IGDCC3: variants seen among roughly 807,000 people sequenced by gnomAD.
IGDCC3 encodes the protein immunoglobulin superfamily DCC subclass member 3, also known as putative neuronal cell adhesion molecule.
In IGDCC3, 47 loss-of-function variants were observed where a neutral mutation model predicts 72.0. The observed-to-expected ratio is 0.65, with a 90% CI of 0.52 to 0.83. IGDCC3 has a LOEUF of 0.83. Ranked by LOEUF, IGDCC3 falls within the 40% of genes least tolerant of loss-of-function variation. IGDCC3 has a pLI of 0.00. For synonymous variants in IGDCC3, 477 were observed against 472.8 expected (o/e 1.01, Z -0.11); for missense variants, 1,038 against 1,091.3 (o/e 0.95, Z 0.69).
chr15:65,354,125 C>G (rs945899272), intron 2 of IGDCC3, among the ~76,000 whole-genome samples: 5 of 152,148 alleles, frequency 3.3e-5, no homozygotes, highest in African/African-American at 1.2e-4. Flanking sequence ...AGGCTGGTCT[C>G]GAACTCCTGA....
At position 65,334,797 on chromosome 15, in the gene IGDCC3, G is replaced by A; in HGVS notation, c.754C>T (p.His252Tyr). The A allele has an allele frequency of 1.9e-6, 3 of 1,612,460 alleles. No homozygotes were observed. Among genetic ancestry groups the A allele is most frequent in the Non-Finnish European group, 2.5e-6 (3 of 1,179,424 alleles). The part of the protein sequence containing the change: ...VGPENLTLTV[H>Y]QTAVLECVAT... Reference sequence around the variant, plus strand: ...ACACACTCAAGCACCGCGGTCTGGTGCACTGTCAGGGTGAGGTTCTCAGGC... The same window carrying A: ...ACACACTCAAGCACCGCGGTCTGGTACACTGTCAGGGTGAGGTTCTCAGGC... The change falls in exon 5 of 14, where the codon CAC (histidine) becomes TAC (tyrosine). Residue 252 changes from histidine to tyrosine, a missense_variant. Coordinates refer to ENST00000327987, the MANE Select transcript of IGDCC3 (RefSeq NM_004884.4).
At position 65,330,614 on chromosome 15, in the gene IGDCC3, C is replaced by T. The variant is rs148347436; in HGVS notation, c.1689G>A (p.Lys563=). The change falls in exon 10 of 14, where the codon AAG becomes AAA. Residue 563 remains lysine, a synonymous_variant. Transcript: ENST00000327987. The part of the protein sequence containing the change: ...GFKLFYRPAS[K]TSFTGPILLP... ...GCAGGATGGGGCCGGTGAAGGAGGT[C>T]TTGCTTGCTGGGCGGTAAAACAGCT... 17 of 1,613,840 alleles carry T rather than the reference C, an allele frequency of 1.1e-5. No homozygotes were observed. The African/African-American group carries it at 2.3e-4, about 22-fold the overall frequency.
Position 65,377,691 on chromosome 15 carries a change from C to A in IGDCC3, c.98G>T (p.Ser33Ile). 2 of 1,429,254 alleles carry A rather than the reference C, an allele frequency of 1.4e-6. No homozygotes were observed. The highest frequency in any genetic ancestry group is 2.6e-5 in the Admixed American group (1 of 38,260). 88.5% of individuals were successfully genotyped at this position (1,429,254 alleles called of 1,614,324 possible). A position where few individuals can be genotyped will look rare whatever the true frequency, so the allele number is the denominator to read the frequency against. The stretch of plus-strand genomic sequence containing the variant: ...TCCGGGGCGCTTTCACTCACCCTCG[C>A]TCGGCGCGGGCAGCAGCAGCAACAG... ...PLLLLLLPAP[S>I]EGLGHSAELA... The change falls in exon 1 of 14, where the codon AGC (serine) becomes ATC (isoleucine). Residue 33 changes from serine to isoleucine, a missense_variant. Transcript: ENST00000327987. This position sits in a 1 kb window ranked among gnomAD's most constrained non-coding sequence, Gnocchi z 4.9.
In IGDCC3 at chr15:65,361,892, CT is replaced by C. The variant is rs549376558; in HGVS notation, c.409+13204del. On this transcript the variant is annotated intron_variant, in intron 2 of 13. Coordinates refer to ENST00000327987, the MANE Select transcript of IGDCC3 (RefSeq NM_004884.4). ...GGGCTGCTTCCGCGGCCGCCGCACT[CT>C]GCCCATCGCGCCCCGCCCAGGGCAG... 8.5e-5 allele frequency among the ~76,000 whole-genome samples: 13 copies of C among 152,304 alleles called. No homozygotes were observed. The South Asian group carries it at 2.7e-3, about 32-fold the overall frequency.
At chr15:65,355,716 T>G in intron 2 of IGDCC3, 1 of 433,406 alleles carries the variant, frequency 2.3e-6, no homozygotes, top group Non-Finnish European at 4.5e-6. Context: ...GCTGGCTAAT[T>G]ACCTCGCTCG....
intron 6 of IGDCC3, among the ~76,000 whole-genome samples, chr15:65,332,952 C>T (rs922602165): frequency 2.0e-5 from 3 of 152,244 alleles, no homozygotes; most frequent in Non-Finnish European, 2.9e-5. Context: ...GTGTGAGCGA[C>T]ACAGGTGGGG....
At chr15:65,361,840 G>T (rs996402454) in intron 2 of IGDCC3, among the ~76,000 whole-genome samples, 2 of 152,196 alleles carry the variant, frequency 1.3e-5, no homozygotes, top group Admixed American at 1.3e-4. Flanking sequence ...CCTCGAGGAC[G>T]AGGCATCATT....
At chr15:65,362,614 C>T (rs2140165427) in intron 2 of IGDCC3, among the ~76,000 whole-genome samples, 1 of 152,298 alleles carries the variant, frequency 6.6e-6, no homozygotes, top group South Asian at 2.1e-4. Context: ...CTGGGCCTTA[C>T]TCATCCTCTC....
intron 2 of IGDCC3, among the ~76,000 whole-genome samples, chr15:65,359,647 G>C (rs1206847867): frequency 6.6e-6 from 1 of 152,144 alleles, no homozygotes; most frequent in African/African-American, 2.4e-5. Context: ...TTGGAAGAAG[G>C]GTGTTTCAGG....
At chr15:65,372,421 A>T (rs1489874486) in intron 2 of IGDCC3, among the ~76,000 whole-genome samples, 3 of 152,190 alleles carry the variant, frequency 2.0e-5, no homozygotes, top group Non-Finnish European at 4.4e-5. Flanking sequence ...TAAAAGGGAA[A>T]CGCTTGAAAC....
Position 65,331,481 on chromosome 15 carries a change from A to G in IGDCC3, c.1327T>C (p.Ser443Pro), listed in dbSNP as rs1167265302. 6.2e-7 allele frequency: 1 copy of G among 1,613,664 alleles called. No homozygotes were observed. Residue 443 changes from serine (S) to proline (P), a missense_variant, in exon 8 of 14, where the codon TCC (serine) becomes CCC (proline). Coordinates refer to ENST00000327987, the MANE Select transcript of IGDCC3 (RefSeq NM_004884.4). ...VSVSSTEVRV[S>P]WSEPLANTKE... Reference sequence around the variant, plus strand: ...GTGTTGGCCAGCGGCTCACTCCAGGACACACGCACCTCAGTGGAAGACACA... The same window carrying G: ...GTGTTGGCCAGCGGCTCACTCCAGGGCACACGCACCTCAGTGGAAGACACA...
chr15:65,333,378 C>T lies in IGDCC3; in HGVS notation c.861G>A (p.Leu287=). The T allele has an allele frequency of 6.2e-7, 1 of 1,610,448 alleles. No homozygotes were observed. The highest frequency in any genetic ancestry group is 8.5e-7 in the Non-Finnish European group (1 of 1,178,310). ...RPIGVEGIQV[L]GTGNLIISDV... ...CTGAGATGATGAGGTTTCCTGTGCC[C>T]AGCACCTGGATGCCCTCCACCCCGA... is the stretch of plus-strand genomic sequence containing the variant. The change falls in exon 6 of 14, where the codon CTG becomes CTA. Residue 287 remains leucine (L), a synonymous_variant. Coordinates refer to ENST00000327987, the MANE Select transcript of IGDCC3 (RefSeq NM_004884.4).
In IGDCC3 at chr15:65,350,928, T is replaced by G. The variant is rs150675931; in HGVS notation, c.410-14972A>C. The stretch of plus-strand genomic sequence containing the variant: ...AAACTACTAAAGAAACAATTTCACA[T>G]GCAAGGTGTGCAAAGAAAGTAAAAT... On this transcript the variant is annotated intron_variant, in intron 2 of 13. Transcript: ENST00000327987. Among the ~76,000 whole-genome samples, 1,097 of 152,364 alleles carry G rather than the reference T, an allele frequency of 7.2e-3. 4 individuals are homozygous for G. The highest frequency in any genetic ancestry group is 0.01 in the Non-Finnish European group (714 of 68,040).
rs937859709 is a variant in IGDCC3 at position 65,329,406 on chromosome 15, G to A, written c.2189C>T (p.Pro730Leu). ...GGCACTCACTGTGGGTCTGGGGTCC[G>A]GCTGCCCTGCTGCGCTGGCCGGGGG... Reference protein sequence around the residue: ...LFPPASAAGQPDPRPTQDPAA... With the variant: ...LFPPASAAGQLDPRPTQDPAA... The change falls in exon 13 of 14, where the codon CCG (proline) becomes CTG (leucine). Residue 730 changes from proline (P) to leucine (L), a missense_variant. Physicochemically the swap from Pro to Leu is moderately conservative, Grantham distance 98 (BLOSUM62 -3). Transcript: ENST00000327987. This position sits in a 1 kb window ranked among gnomAD's most constrained non-coding sequence, Gnocchi z 4.1. 19 of 1,588,988 alleles carry A rather than the reference G, an allele frequency of 1.2e-5. No homozygotes were observed. The East Asian group carries it at 1.6e-4, about 13-fold the overall frequency.
In IGDCC3 at chr15:65,329,643, A is replaced by G; in HGVS notation, c.1998-46T>C. 2 of 1,610,956 alleles carry G rather than the reference A, an allele frequency of 1.2e-6. No individual in the cohort carries two copies. Among genetic ancestry groups the G allele is most frequent in the Non-Finnish European group, 1.7e-6 (2 of 1,177,482 alleles). ...GGGGGGAGGGAGAGAGAAAAGAGAC[A>G]GAGGCAGTGAGCCCACACTCACCTT... On this transcript the variant is annotated intron_variant, in intron 12 of 13. Transcript: ENST00000327987. This position sits in a 1 kb window ranked among gnomAD's most constrained non-coding sequence, Gnocchi z 4.1.
In IGDCC3 at chr15:65,377,981, G is replaced by C. The variant is rs1200273164; in HGVS notation, c.-193C>G. ...GGGGGAGCGCCGCTTGCGCCATCTTGCACCCACCCGGGCGATCTGTCAGCC... is the reference window on the plus strand; with the variant it reads ...GGGGGAGCGCCGCTTGCGCCATCTTCCACCCACCCGGGCGATCTGTCAGCC... On this transcript the variant is annotated 5_prime_UTR_variant, in exon 1 of 14. Coordinates refer to ENST00000327987, the MANE Select transcript of IGDCC3 (RefSeq NM_004884.4). This position sits in a 1 kb window ranked among gnomAD's most constrained non-coding sequence, Gnocchi z 4.9. The C allele has an allele frequency of 2.1e-5, 7 of 329,182 alleles. No homozygotes were observed. Among genetic ancestry groups the C allele is most frequent in the Non-Finnish European group, 3.1e-5 (7 of 226,906 alleles). 20.4% of individuals were successfully genotyped at this position (329,182 alleles called of 1,614,324 possible).
chr15:65,329,552 C>A lies in IGDCC3; in HGVS notation c.2043G>T (p.Gln681His). ...KDVENQLSPP[Q>H]GPRSQRDPGI... Reference sequence around the variant, plus strand: ...CAGGGTCCCTCTGGCTCCGGGGACCCTGTGGAGGGGACAGCTGGTTTTCCA... The same window carrying A: ...CAGGGTCCCTCTGGCTCCGGGGACCATGTGGAGGGGACAGCTGGTTTTCCA... The change falls in exon 13 of 14, where the codon CAG becomes CAT. Residue 681 changes from glutamine to histidine, a missense_variant. By Grantham distance (24) the Gln-to-His change is conservative (BLOSUM62 0). Coordinates refer to ENST00000327987, the MANE Select transcript of IGDCC3 (RefSeq NM_004884.4). The surrounding 1 kb of genome is among the most constrained non-coding windows in gnomAD (Gnocchi z 4.1). 1 of 1,611,154 alleles carries A rather than the reference C, an allele frequency of 6.2e-7. No individual in the cohort carries two copies. The highest frequency in any genetic ancestry group is 1.1e-5 in the South Asian group (1 of 90,698).
chr15:65,352,125 C>G (rs539206409), intron 2 of IGDCC3, among the ~76,000 whole-genome samples: 69 of 152,294 alleles, frequency 4.5e-4, no homozygotes, highest in African/African-American at 1.5e-3. Flanking sequence ...CAATAGAAAA[C>G]TGAAGTAATC....
In IGDCC3 at chr15:65,349,863, G is replaced by C. The variant is rs373225676; in HGVS notation, c.410-13907C>G. On this transcript the variant is annotated intron_variant, in intron 2 of 13. Transcript: ENST00000327987. The stretch of plus-strand genomic sequence containing the variant: ...TAGATTTCTTCTGAGAAAGAAAATA[G>C]AGATGGGCCCATCCTGTAGCTCAGT... 2.3e-3 allele frequency among the ~76,000 whole-genome samples: 343 copies of C among 152,316 alleles called. 2 individuals carry two copies. Among genetic ancestry groups the C allele is most frequent in the African/African-American group, 7.4e-3 (308 of 41,570 alleles).
Sources: gnomAD v4.1 joint callset for allele counts (sites outside exome capture counted in the v4.1 genomes callset) on GRCh38, gnomAD v4.1.1 for gene constraint, Gnocchi (gnomAD v3.1) non-coding constraint, MANE v1.5 for transcripts, NCBI Gene and HGNC (gene_info 2026-07-23, HGNC 2026-07-21) for gene names.